Variants in CPA4 observed in about 807,000 individuals in gnomAD.
CPA4 encodes carboxypeptidase A4.
In CPA4, 49 loss-of-function variants were observed where a neutral mutation model predicts 54.7. The observed-to-expected ratio is 0.90, with a 90% CI of 0.71 to 1.14. The LOEUF (loss-of-function observed/expected upper bound fraction) is 1.14. CPA4 is among the 50% of genes most tolerant of loss of function. The probability of loss-of-function intolerance (pLI) is 0.00; values close to 1 mark genes in which losing one functional copy is unlikely to be tolerated. For synonymous variants in CPA4, 215 were observed against 206.8 expected, an observed-to-expected ratio of 1.04 and a Z score of -0.34; for missense variants, 487 against 525.1, an observed-to-expected ratio of 0.93 and a Z score of 0.71.
At chr7:130,312,226 G>T (rs778445407) in intron 10 of CPA4, 104 bp downstream of exon 10, 4 of 819,262 alleles carry the variant, frequency 4.9e-6, no homozygotes, top group Non-Finnish European at 8.2e-6. Context: ...TCATCTGATT[G>T]TTTTTGTTGT....
At position 130,323,898 on chromosome 7, in the gene CPA4, TGTG is replaced by T. The variant is rs1240284835; in HGVS notation, c.*1223_*1225del. ...TCCTGTGTTTCCTTGTCCTGGTTTG[TGTG>T]TGTGTGTGTGTGTGTGTGTGTGTGT... is the stretch of plus-strand genomic sequence containing the variant. On this transcript the variant is annotated 3_prime_UTR_variant, in exon 11 of 11. Coordinates refer to ENST00000222482, the MANE Select transcript of CPA4 (RefSeq NM_016352.4). 1 of 18,994 alleles carries T rather than the reference TGTG, an allele frequency of 5.3e-5. No homozygotes were observed. The highest frequency in any genetic ancestry group is 1.1e-3 in the African/African-American group (1 of 880). 1.2% of individuals were successfully genotyped at this position (18,994 alleles called of 1,614,324 possible). A position where few individuals can be genotyped will look rare whatever the true frequency, so the allele number is the denominator to read the frequency against.
chr7:130,322,524 G>C lies in CPA4; in HGVS notation c.1114G>C (p.Asp372His). 1 of 1,614,134 alleles carries C rather than the reference G, an allele frequency of 6.2e-7. No individual in the cohort carries two copies. The highest frequency in any genetic ancestry group is 8.5e-7 in the Non-Finnish European group (1 of 1,180,000). The change falls in exon 11 of 11, where the codon GAC becomes CAC. Residue 372 changes from aspartate to histidine, a missense_variant. Asp to His is a moderately conservative substitution (Grantham distance 81). Transcript: ENST00000222482. ...CGGGAGCAGCATCGACTGGGCATATGACAACGGCATCAAATTTGCATTCAC... is the reference window on the plus strand; with the variant it reads ...CGGGAGCAGCATCGACTGGGCATATCACAACGGCATCAAATTTGCATTCAC... ...ASGSSIDWAY[D>H]NGIKFAFTFE...
chr7:130,312,211 A>ACAG, intron 10 of CPA4, 89 bp downstream of exon 10: 1 of 914,828 alleles, frequency 1.1e-6, no homozygotes, highest in Non-Finnish European at 1.8e-6. Flanking sequence ...AGTTAGACTT[A>ACAG]CTTGTCATCT....
intron 10 of CPA4, among the ~76,000 whole-genome samples, chr7:130,316,361 T>C (rs1419285891): frequency 6.6e-6 from 1 of 152,180 alleles, no homozygotes; most frequent in Non-Finnish European, 1.5e-5. Flanking sequence ...AAATTGTGTG[T>C]TTTTTGCTAG....
chr7:130,298,828 G>C lies in CPA4; in HGVS notation c.150+1G>C, dbSNP rs765005297. 1 of 1,585,866 alleles carries C rather than the reference G, an allele frequency of 6.3e-7. No individual in the cohort carries two copies. The highest frequency in any genetic ancestry group is 1.3e-5 in the African/African-American group (1 of 74,442). ...ACTAGTGAATTCAAACAACTTGAAGGTACCTGGTTCTTTTTAGCTCTCCTG... is the reference window on the plus strand; with the variant it reads ...ACTAGTGAATTCAAACAACTTGAAGCTACCTGGTTCTTTTTAGCTCTCCTG... On this transcript the variant is annotated splice_donor_variant, in intron 2 of 10. Coordinates refer to ENST00000222482, the MANE Select transcript of CPA4 (RefSeq NM_016352.4). LOFTEE classifies it high-confidence loss of function.
At chr7:130,305,739 G>T in intron 5 of CPA4, 77 bp from the exon 6 acceptor site, 1 of 992,930 alleles carries the variant, frequency 1.0e-6, no homozygotes. Context: ...TAAATGAATG[G>T]GAGAGAGCTG....
chr7:130,307,422 G>A (rs191844080), intron 7 of CPA4, among the ~76,000 whole-genome samples: 3 of 152,140 alleles, frequency 2.0e-5, no homozygotes, highest in Admixed American at 2.0e-4. Flanking sequence ...ATGAGGTCAG[G>A]AGATCGAGAC....
At chr7:130,317,648 G>A (rs1794010479) in intron 10 of CPA4, among the ~76,000 whole-genome samples, 2 of 151,458 alleles carry the variant, frequency 1.3e-5, no homozygotes, top group African/African-American at 4.9e-5. Flanking sequence ...ATTTTTTTTT[G>A]TAGAGAAAGG....
At chr7:130,308,227 G>A in intron 7 of CPA4, 80 bp from the exon 8 acceptor site, 1 of 1,213,208 alleles carries the variant, frequency 8.2e-7, no homozygotes, top group Non-Finnish European at 1.2e-6. Flanking sequence ...TGCCCTGCCT[G>A]CGTGTCATCT....
At chr7:130,314,952 G>T (rs1243814793) in intron 10 of CPA4, among the ~76,000 whole-genome samples, 1 of 152,188 alleles carries the variant, frequency 6.6e-6, no homozygotes, top group African/African-American at 2.4e-5. Flanking sequence ...ACAAGAGAAG[G>T]CTGAGGGATT....
rs577009249 is a variant in CPA4, at chr7:130,308,974, C to T, written c.793+577C>T. 2.0e-5 allele frequency among the ~76,000 whole-genome samples: 3 copies of T among 151,874 alleles called. No individual in the cohort carries two copies. In the South Asian group the frequency reaches 6.2e-4, roughly 32 times the overall value. On this transcript the variant is annotated intron_variant, in intron 8 of 10. Transcript: ENST00000222482. ...GTTCAAGTGATTCTCCTGCCTCAGC[C>T]TCCTGGGATGACAGGTGCATGCCAC... is the stretch of plus-strand genomic sequence containing the variant.
Position 130,298,710 on chromosome 7 carries a change from T to A in CPA4, c.69-36T>A, listed in dbSNP as rs773893168. On this transcript the variant is annotated intron_variant, in intron 1 of 10. Transcript: ENST00000222482. ...TTTGCCAGCTGAAAGCTCATCATTA[T>A]CTTTTGCTCTTTTTTCCTTTTCGCT... 14 of 1,300,976 alleles carry A rather than the reference T, an allele frequency of 1.1e-5. No individual in the cohort carries two copies. In the South Asian group the frequency reaches 1.7e-4, roughly 15 times the overall value. The allele number at this position is 1,300,976 out of a possible 1,614,324, so 80.6% of individuals were successfully genotyped here. A position where few individuals can be genotyped will look rare whatever the true frequency, so the allele number is the denominator to read the frequency against.
At chr7:130,313,154 G>T (rs2117155895) in intron 10 of CPA4, among the ~76,000 whole-genome samples, 1 of 152,292 alleles carries the variant, frequency 6.6e-6, no homozygotes, top group Middle Eastern at 3.4e-3. Flanking sequence ...ATCTCAGATT[G>T]ACTGTAGGAG....
At position 130,312,098 on chromosome 7, in the gene CPA4, G is replaced by C. The variant is rs558258355; in HGVS notation, c.1054G>C (p.Val352Leu). ...LASVSGTEYQVGPTCTTVYPA... is the reference protein window; with the variant it reads ...LASVSGTEYQLGPTCTTVYPA... Reference sequence around the variant, plus strand: ...TTCTGTGTCGGGCACTGAGTACCAAGTGGGTCCCACCTGCACCACTGTCTG... The same window carrying C: ...TTCTGTGTCGGGCACTGAGTACCAACTGGGTCCCACCTGCACCACTGTCTG... Residue 352 changes from valine (V) to leucine (L), a missense_variant, in exon 10 of 11, where the codon GTG becomes CTG. By Grantham distance (32) the Val-to-Leu change is conservative. Transcript: ENST00000222482. The C allele has an allele frequency of 1.2e-6, 2 of 1,614,000 alleles. No homozygotes were observed. Among genetic ancestry groups the C allele is most frequent in the Non-Finnish European group, 1.7e-6 (2 of 1,179,860 alleles).
At chr7:130,314,724 G>T (rs1041673042) in intron 10 of CPA4, among the ~76,000 whole-genome samples, 8 of 152,178 alleles carry the variant, frequency 5.3e-5, no homozygotes, top group Admixed American at 1.3e-4. Context: ...GTAAAGTCCT[G>T]GAAAGTTCCT....
intron 10 of CPA4, among the ~76,000 whole-genome samples, chr7:130,317,131 CTT>C (rs1794000775): frequency 6.6e-6 from 1 of 152,094 alleles, no homozygotes; most frequent in South Asian, 2.1e-4. Context: ...GCAATCCTCT[CTT>C]GTCAGCTTCC....
Position 130,310,900 on chromosome 7 carries a change from G to T in CPA4, c.907G>T (p.Gly303Cys), listed in dbSNP as rs2171492. ...CATCCAAAAACATGGGAATTTCAAG[G>T]GCTTCATCGACCTGCACAGCTACTC... ...DFIQKHGNFK[G>C]FIDLHSYSQL... Residue 303 changes from glycine to cysteine, a missense_variant, in exon 9 of 11, where the codon GGC becomes TGC. By Grantham distance (159) the Gly-to-Cys change is radical. Transcript: ENST00000222482. The surrounding 1 kb of genome is among the most constrained non-coding windows in gnomAD (Gnocchi z 4.3). 593,857 of 1,613,408 alleles carry T rather than the reference G, an allele frequency of 0.37. 110,736 individuals carry two copies. The highest frequency in any genetic ancestry group is 0.38 in the Non-Finnish European group (452,611 of 1,179,508).
intron 1 of CPA4, among the ~76,000 whole-genome samples, chr7:130,293,895 G>A (rs1425262448): frequency 6.6e-6 from 1 of 152,080 alleles, no homozygotes; most frequent in Non-Finnish European, 1.5e-5. Context: ...GTGCGCGTGT[G>A]TGTGTGCACA....
At chr7:130,304,165 C>T (rs548199138) in intron 4 of CPA4, among the ~76,000 whole-genome samples, 37 of 152,280 alleles carry the variant, frequency 2.4e-4, no homozygotes, top group African/African-American at 8.9e-4. Flanking sequence ...TGTGCCTGGC[C>T]GCTTGTCTTT....
Sources: allele counts gnomAD v4.1 joint callset (sites outside exome capture counted in the v4.1 genomes callset), GRCh38; gene constraint gnomAD v4.1.1; non-coding constraint Gnocchi (gnomAD v3.1); transcripts MANE v1.5; gene names NCBI Gene and HGNC (gene_info 2026-07-23, HGNC 2026-07-21).